Variants in LIFR observed in about 807,000 individuals in gnomAD.
LIFR encodes leukemia inhibitory factor receptor.
In LIFR, 84 loss-of-function variants were observed where a neutral mutation model predicts 122.2. The observed-to-expected ratio is 0.69, with a 90% CI of 0.58 to 0.82. The LOEUF (loss-of-function observed/expected upper bound fraction) is 0.82, where lower values mean the gene tolerates loss of function less well. Among genes scored for constraint, LIFR ranks in the 40% least tolerant of loss-of-function variants. The probability of loss-of-function intolerance (pLI) is 0.00; values close to 1 mark genes in which losing one functional copy is unlikely to be tolerated. For synonymous variants in LIFR, 422 were observed against 434.7 expected, an observed-to-expected ratio of 0.97 and a Z score of 0.36; for missense variants, 1,294 against 1,311.6, an observed-to-expected ratio of 0.99 and a Z score of 0.21.
intron 1 of LIFR, among the ~76,000 whole-genome samples, chr5:38,541,214 A>G (rs1027029494): frequency 6.6e-6 from 1 of 152,222 alleles, no homozygotes; most frequent in African/African-American, 2.4e-5. Context: ...GAAAAACATA[A>G]CAGCACCTAA....
chr5:38,497,349 C>A (rs1182942792), intron 12 of LIFR, among the ~76,000 whole-genome samples: 1 of 152,162 alleles, frequency 6.6e-6, no homozygotes, highest in African/African-American at 2.4e-5. Flanking sequence ...CCACTGGGAG[C>A]AGGGTAAATC....
intron 1 of LIFR, chr5:38,579,110 A>G (rs1749492929): frequency 6.6e-6 from 1 of 152,226 alleles, no homozygotes; most frequent in Non-Finnish European, 1.5e-5. Flanking sequence ...ACAATTTCAA[A>G]GACTTATGTT....
intron 1 of LIFR, 127 bp downstream of exon 1, chr5:38,556,207 A>G (rs1748528435): frequency 6.6e-6 from 1 of 151,728 alleles, no homozygotes; most frequent in South Asian, 2.1e-4. Context: ...CTCCGGGGTC[A>G]CTCCCCTAGG....
chr5:38,546,105 TTAAATA>T (rs1040048991), intron 1 of LIFR, among the ~76,000 whole-genome samples: 15 of 152,216 alleles, frequency 9.9e-5, no homozygotes, highest in Non-Finnish European at 1.3e-4. Flanking sequence ...AGCTTTATGC[TTAAATA>T]TATTTACTGT....
At chr5:38,535,975 C>T (rs1747274857) in intron 1 of LIFR, among the ~76,000 whole-genome samples, 1 of 152,156 alleles carries the variant, frequency 6.6e-6, no homozygotes, top group Non-Finnish European at 1.5e-5. Context: ...GTCCAACACT[C>T]TGAAAACCGT....
chr5:38,555,644 A>G (rs1748480512), intron 1 of LIFR, among the ~76,000 whole-genome samples: 1 of 151,312 alleles, frequency 6.6e-6, no homozygotes. Flanking sequence ...TGCATTAAAC[A>G]TTCAAAAAGG....
intron 2 of LIFR, among the ~76,000 whole-genome samples, chr5:38,601,743 C>T (rs1398322190): frequency 6.6e-6 from 1 of 152,180 alleles, no homozygotes; most frequent in Non-Finnish European, 1.5e-5. Flanking sequence ...TGATCTCATC[C>T]ACTCCCATGG....
chr5:38,491,962 T>TA (rs1228043916), intron 14 of LIFR, among the ~76,000 whole-genome samples: 1 of 152,112 alleles, frequency 6.6e-6, no homozygotes, highest in East Asian at 1.9e-4. Context: ...TCTGACACTT[T>TA]AAAAAAAGAG....
chr5:38,488,575 AG>A (rs1351290308), intron 16 of LIFR, among the ~76,000 whole-genome samples: 2 of 152,220 alleles, frequency 1.3e-5, no homozygotes, highest in African/African-American at 4.8e-5. Context: ...CCGATTTCCA[AG>A]GATTGTCTGT....
chr5:38,489,350 T>G (rs920887875), intron 15 of LIFR, 105 bp from the exon 16 acceptor site: 29 of 923,020 alleles, frequency 3.1e-5, no homozygotes, highest in Non-Finnish European at 4.6e-5. Flanking sequence ...AACTTGGAAT[T>G]AAAACTTTAT....
At chr5:38,502,844 T>C in intron 10 of LIFR, 45 bp from the exon 11 acceptor site, 1 of 1,087,926 alleles carries the variant, frequency 9.2e-7, no homozygotes, top group Non-Finnish European at 1.3e-6. Flanking sequence ...ATATTATGTG[T>C]ATGAATACAT....
intron 1 of LIFR, among the ~76,000 whole-genome samples, chr5:38,532,484 G>A (rs985384456): frequency 1.3e-5 from 2 of 152,124 alleles, no homozygotes; most frequent in African/African-American, 4.8e-5. Context: ...AGACAGTAGC[G>A]AGCTCGCACA....
In LIFR at chr5:38,530,794, TACTC is replaced by T. The variant is rs1246476678; in HGVS notation, c.-19-132_-19-129del. ...ACTGTACATTTAGAGACTTTGGAGA[TACTC>T]AAACTCAAGCTTCCCTGGCTTGTGG... is the stretch of plus-strand genomic sequence containing the variant. On this transcript the variant is annotated intron_variant, in intron 1 of 19. Transcript: ENST00000453190. 11 of 875,972 alleles carry T rather than the reference TACTC, an allele frequency of 1.3e-5. No homozygotes were observed. The African/African-American group carries it at 1.8e-4, about 15-fold the overall frequency. The allele number at this position is 875,972 out of a possible 1,614,324, so 54.3% of individuals were successfully genotyped here. A position where few individuals can be genotyped will look rare whatever the true frequency, so the allele number is the denominator to read the frequency against.
intron 1 of LIFR, among the ~76,000 whole-genome samples, chr5:38,542,962 T>C (rs757612259): frequency 3.9e-5 from 6 of 152,022 alleles, no homozygotes; most frequent in African/African-American, 1.2e-4. Context: ...CTGAGCACAA[T>C]GAAGATTTTT....
At chr5:38,505,715 T>C (rs1327826538) in intron 9 of LIFR, among the ~76,000 whole-genome samples, 190 bp downstream of exon 9, 1 of 152,172 alleles carries the variant, frequency 6.6e-6, no homozygotes, top group Non-Finnish European at 1.5e-5. Context: ...AATTCAAGTA[T>C]TTAAATTCAA....
In LIFR at chr5:38,553,652, A is replaced by G. The variant is rs932128570; in HGVS notation, c.-20+2682T>C. On this transcript the variant is annotated intron_variant, in intron 1 of 19. Coordinates refer to ENST00000453190, the MANE Select transcript of LIFR (RefSeq NM_001127671.2). ...TATATATATATATATATATATATAT[A>G]TATATATATATATATATATATTATA... Among the ~76,000 whole-genome samples the G allele has an allele frequency of 4.6e-4, 47 of 102,788 alleles. No individual in the cohort carries two copies. In the East Asian group the frequency reaches 0.017, roughly 37 times the overall value. 67.4% of individuals were successfully genotyped at this position (102,788 alleles called of 152,430 possible).
Position 38,523,475 on chromosome 5 carries a change from T to C in LIFR, c.505A>G (p.Asn169Asp), listed in dbSNP as rs769674921. The C allele has an allele frequency of 2.5e-6, 4 of 1,613,540 alleles. No homozygotes were observed. Among genetic ancestry groups the C allele is most frequent in the African/African-American group, 1.3e-5 (1 of 74,884 alleles). ...AGAACTTTAATTTCCCAGATAACAT[T>C]TGAGCGGTGTGGAAAAACTGAACCC... ...DRGSVFPHRSNVIWEIKVLRK... is the reference protein window; with the variant it reads ...DRGSVFPHRSDVIWEIKVLRK... The change falls in exon 5 of 20, where the codon AAT becomes GAT. Residue 169 changes from asparagine to aspartate, a missense_variant. Asn to Asp is a conservative substitution (Grantham distance 23). Coordinates refer to ENST00000453190, the MANE Select transcript of LIFR (RefSeq NM_001127671.2).
chr5:38,584,778 T>G (rs1348840749), intron 1 of LIFR, among the ~76,000 whole-genome samples: 1 of 152,120 alleles, frequency 6.6e-6, no homozygotes, highest in Admixed American at 6.6e-5. Context: ...CACCTAGAGA[T>G]CTCATGTAAA....
At chr5:38,553,109 C>T (rs1748293457) in intron 1 of LIFR, among the ~76,000 whole-genome samples, 1 of 152,172 alleles carries the variant, frequency 6.6e-6, no homozygotes, top group Non-Finnish European at 1.5e-5. Context: ...TCACCAACTC[C>T]AGCCACAGAG....
Sources: allele counts gnomAD v4.1 joint callset (sites outside exome capture counted in the v4.1 genomes callset), GRCh38; gene constraint gnomAD v4.1.1; transcripts MANE v1.5; gene names NCBI Gene and HGNC (gene_info 2026-07-23, HGNC 2026-07-21).